The following FANCL variants were observed in gnomAD, a reference collection of about 807,000 sequenced individuals.
FANCL encodes FA complementation group L.
In FANCL, 69 loss-of-function variants were observed where a neutral mutation model predicts 59.4. That is an observed-to-expected ratio of 1.16 (90% CI 0.96 to 1.42). FANCL has a LOEUF of 1.42. FANCL is among the 40% of genes most tolerant of loss of function. The pLI is 0.00. For synonymous variants in FANCL, 180 were observed against 147.1 expected, an observed-to-expected ratio of 1.22 and a Z score of -1.62; for missense variants, 519 against 447.2, an observed-to-expected ratio of 1.16 and a Z score of -1.45.
chr2:58,166,011 T>G, intron 7 of FANCL, 137 bp from the exon 8 acceptor site: 1 of 782,462 alleles, frequency 1.3e-6, no homozygotes, highest in South Asian at 1.6e-5. Flanking sequence ...TAAACAGTAG[T>G]CGACTCTCCC....
chr2:58,226,031 G>T (rs2103823085), intron 4 of FANCL, among the ~76,000 whole-genome samples: 1 of 152,138 alleles, frequency 6.6e-6, no homozygotes, highest in East Asian at 1.9e-4. Flanking sequence ...AGCTGTTAAA[G>T]AGATACACAC....
intron 7 of FANCL, among the ~76,000 whole-genome samples, chr2:58,197,774 A>G (rs1689572826): frequency 6.6e-6 from 1 of 152,240 alleles, no homozygotes. Flanking sequence ...AAATACTTTA[A>G]AACAATAAAA....
chr2:58,241,083 C>CCCTCTCAATCCCCA, intron 1 of FANCL, 135 bp downstream of exon 1: 1 of 898,972 alleles, frequency 1.1e-6, no homozygotes, highest in Non-Finnish European at 1.8e-6. Context: ...CTTTAGTCTC[C>CCCTCTCAATCCCCA]CAAGAGCCGT....
intron 7 of FANCL, among the ~76,000 whole-genome samples, chr2:58,187,713 A>C (rs947489514): frequency 1.3e-5 from 2 of 152,140 alleles, no homozygotes; most frequent in Admixed American, 6.6e-5. Context: ...ACATGAAATA[A>C]ATTTATATAA....
At chr2:58,230,265 TC>T (rs767326425) in intron 2 of FANCL, among the ~76,000 whole-genome samples, 1 of 152,212 alleles carries the variant, frequency 6.6e-6, no homozygotes, top group Non-Finnish European at 1.5e-5. Flanking sequence ...AATATTATCT[TC>T]AAATTCCCGA....
intron 7 of FANCL, among the ~76,000 whole-genome samples, chr2:58,172,016 T>A (rs1361655329): frequency 6.6e-6 from 1 of 152,084 alleles, no homozygotes; most frequent in African/African-American, 2.4e-5. Flanking sequence ...CAGTCTAAGA[T>A]CAAACTGCAA....
intron 6 of FANCL, among the ~76,000 whole-genome samples, chr2:58,200,395 A>C (rs1045930612): frequency 1.1e-4 from 16 of 152,198 alleles, no homozygotes; most frequent in Admixed American, 5.9e-4. Flanking sequence ...AAGTGTTACA[A>C]AATCTCTTTT....
chr2:58,211,441 G>A (rs555963783), intron 5 of FANCL, among the ~76,000 whole-genome samples: 55 of 152,312 alleles, frequency 3.6e-4, no homozygotes, highest in South Asian at 3.1e-3. Flanking sequence ...TGTTATGTGA[G>A]TGGCTGCCGT....
intron 5 of FANCL, among the ~76,000 whole-genome samples, chr2:58,207,194 T>G (rs900488699): frequency 1.3e-5 from 2 of 152,100 alleles, no homozygotes; most frequent in African/African-American, 4.8e-5. Context: ...CTTACTCTCC[T>G]TTCCTGTAGA....
chr2:58,174,606 A>G (rs1482538677), intron 7 of FANCL, among the ~76,000 whole-genome samples: 2 of 152,242 alleles, frequency 1.3e-5, no homozygotes, highest in Non-Finnish European at 2.9e-5. Context: ...CAAAGACACA[A>G]TATACCAGAA....
At chr2:58,162,272 C>T (rs1048966235) in intron 11 of FANCL, among the ~76,000 whole-genome samples, 1 of 151,868 alleles carries the variant, frequency 6.6e-6, no homozygotes, top group African/African-American at 2.4e-5. Flanking sequence ...TTTTGAGAAA[C>T]TATAACTGCT....
chr2:58,238,380 G>A lies in FANCL; in HGVS notation c.96+2838C>T, dbSNP rs139251225. On this transcript the variant is annotated intron_variant, in intron 1 of 13. Coordinates refer to ENST00000233741, the MANE Select transcript of FANCL (RefSeq NM_018062.4). ...CAAATTTCAAATCCACAGAAACAGTGAGACAATAATTGTTTTTGTTTTAAG... is the reference window on the plus strand; with the variant it reads ...CAAATTTCAAATCCACAGAAACAGTAAGACAATAATTGTTTTTGTTTTAAG... 3.7e-3 allele frequency among the ~76,000 whole-genome samples: 556 copies of A among 152,296 alleles called. 3 individuals are homozygous for A. Among genetic ancestry groups the A allele is most frequent in the Middle Eastern group, 0.014 (4 of 294 alleles).
At chr2:58,194,130 AT>A (rs1689201895) in intron 7 of FANCL, 1 of 429,926 alleles carries the variant, frequency 2.3e-6, no homozygotes, top group Non-Finnish European at 4.8e-6. Flanking sequence ...TGATAAAAAA[AT>A]ATAAAGACCA....
chr2:58,229,542 A>G (rs1573810780), intron 3 of FANCL, among the ~76,000 whole-genome samples: 2 of 152,316 alleles, frequency 1.3e-5, no homozygotes, highest in East Asian at 1.9e-4. Flanking sequence ...GTCTCAGAAG[A>G]AAAATCACTG....
rs2104783262 is a variant in FANCL, at chr2:58,161,592, C to T, written c.950G>A (p.Gly317Asp). 6.2e-7 allele frequency: 1 copy of T among 1,611,478 alleles called. No individual in the cohort carries two copies. Among genetic ancestry groups the T allele is most frequent in the Admixed American group, 1.7e-5 (1 of 59,898 alleles). ...CGICYAYQLD[G>D]TIPDQVCDNS... ...ATCACACACTTGATCAGGAATGGTACCGTCAAGTTGATAAGCATAACAAAT... is the reference window on the plus strand; with the variant it reads ...ATCACACACTTGATCAGGAATGGTATCGTCAAGTTGATAAGCATAACAAAT... Residue 317 changes from glycine to aspartate, a missense_variant, in exon 12 of 14, where the codon GGT becomes GAT. By Grantham distance (94) the Gly-to-Asp change is moderately conservative. Transcript: ENST00000233741.
upstream of FANCL, chr2:58,241,327 G>A (rs781474494): frequency 4.3e-6 from 7 of 1,613,324 alleles, no homozygotes; most frequent in East Asian, 4.5e-5. Flanking sequence ...TCGAAGTCCG[G>A]AGAAACACAG....
chr2:58,209,812 G>C (rs544346654), intron 5 of FANCL, among the ~76,000 whole-genome samples: 4 of 152,270 alleles, frequency 2.6e-5, no homozygotes, highest in Admixed American at 2.0e-4. Context: ...AATTTAGTAT[G>C]AACAAGGATC....
intron 7 of FANCL, among the ~76,000 whole-genome samples, chr2:58,175,319 G>C (rs1208006815): frequency 1.3e-5 from 2 of 148,936 alleles, no homozygotes; most frequent in East Asian, 1.9e-4. Flanking sequence ...AAGCCGGGCA[G>C]AGACACAACC....
chr2:58,187,740 A>G (rs1276091076), intron 7 of FANCL, among the ~76,000 whole-genome samples: 1 of 151,646 alleles, frequency 6.6e-6, no homozygotes, highest in Non-Finnish European at 1.5e-5. Flanking sequence ...AATGGTAGTA[A>G]AAGTGTTATC....
Sources: allele counts gnomAD v4.1 joint callset (sites outside exome capture counted in the v4.1 genomes callset), GRCh38; gene constraint gnomAD v4.1.1; transcripts MANE v1.5; gene names NCBI Gene and HGNC (gene_info 2026-07-23, HGNC 2026-07-21).